The following CSMD3 variants were observed in gnomAD, a reference collection of about 807,000 sequenced individuals.
CSMD3 encodes the protein CUB and sushi domain-containing protein 3.
CSMD3 carries 177 observed loss-of-function variants against 435.2 expected under a neutral mutation model. That is an observed-to-expected ratio of 0.41 (90% CI 0.36 to 0.46). The LOEUF (loss-of-function observed/expected upper bound fraction) is 0.46. CSMD3 is among the 20% of genes least tolerant of loss of function. The pLI is 0.34. For synonymous variants in CSMD3, 1,656 were observed against 1,520.5 expected (o/e 1.09, Z -2.07); for missense variants, 4,265 against 4,504.6 (o/e 0.95, Z 1.52).
chr8:113,404,296 A>C (rs982139086), intron 1 of CSMD3, among the ~76,000 whole-genome samples: 2 of 151,514 alleles, frequency 1.3e-5, no homozygotes, highest in Non-Finnish European at 3.0e-5. Flanking sequence ...GATGTATAAC[A>C]GGAATAAATT....
At chr8:112,700,246 A>G (rs1196624514) in intron 13 of CSMD3, among the ~76,000 whole-genome samples, 1 of 152,160 alleles carries the variant, frequency 6.6e-6, no homozygotes, top group Non-Finnish European at 1.5e-5. Context: ...CATGGCTGTA[A>G]TCCCAGCACT....
intron 13 of CSMD3, among the ~76,000 whole-genome samples, chr8:112,721,449 G>T (rs2076855861): frequency 6.6e-6 from 1 of 151,950 alleles, no homozygotes; most frequent in Non-Finnish European, 1.5e-5. Flanking sequence ...GTGGTGGGAG[G>T]CCTGTAATCC....
At chr8:112,582,166 C>T (rs1046019580) in intron 23 of CSMD3, among the ~76,000 whole-genome samples, 5 of 152,064 alleles carry the variant, frequency 3.3e-5, no homozygotes, top group Admixed American at 6.6e-5. Context: ...AGTTAGTTCA[C>T]GTGAGATCTG....
intron 3 of CSMD3, among the ~76,000 whole-genome samples, chr8:113,174,583 A>G (rs184445430): frequency 1.2e-4 from 18 of 152,008 alleles, no homozygotes; most frequent in Non-Finnish European, 2.5e-4. Context: ...TTCTTATTCT[A>G]TTAGTTGATG....
At chr8:112,715,831 T>C (rs2076713550) in intron 13 of CSMD3, among the ~76,000 whole-genome samples, 1 of 152,148 alleles carries the variant, frequency 6.6e-6, no homozygotes, top group Admixed American at 6.6e-5. Context: ...AACCACATGA[T>C]TATTTCAATA....
intron 20 of CSMD3, among the ~76,000 whole-genome samples, chr8:112,639,619 A>G (rs1458575450): frequency 6.6e-6 from 1 of 152,160 alleles, no homozygotes; most frequent in African/African-American, 2.4e-5. Context: ...TTAACTTCTA[A>G]TAGCACAAAC....
rs957583867 is a variant in CSMD3 at position 112,234,094 on chromosome 8, CACAT to C, written c.10740+267_10740+270del. On this transcript the variant is annotated intron_variant, in intron 68 of 70. Coordinates refer to ENST00000297405, the MANE Select transcript of CSMD3 (RefSeq NM_198123.2). ...AAATGCAGATCAGCACACACACACA[CACAT>C]ACACACACCCACATCCACCCATACC... 2.6e-5 allele frequency among the ~76,000 whole-genome samples: 4 copies of C among 151,766 alleles called. No homozygotes were observed. The South Asian group carries it at 6.3e-4, about 24-fold the overall frequency.
At chr8:112,451,761 C>T (rs1391270869) in intron 32 of CSMD3, among the ~76,000 whole-genome samples, 4 of 152,290 alleles carry the variant, frequency 2.6e-5, no homozygotes, top group African/African-American at 9.6e-5. Context: ...TGGTCTCGAA[C>T]TCCTGACCTC....
At chr8:113,132,488 C>T (rs1297077855) in intron 4 of CSMD3, among the ~76,000 whole-genome samples, 1 of 152,010 alleles carries the variant, frequency 6.6e-6, no homozygotes, top group African/African-American at 2.4e-5. Flanking sequence ...TGGCACTTCT[C>T]CCTTCTCTCT....
intron 1 of CSMD3, among the ~76,000 whole-genome samples, chr8:113,426,385 T>A (rs879643617): frequency 8.6e-5 from 13 of 151,332 alleles, no homozygotes; most frequent in South Asian, 2.1e-4. Context: ...TGTGGGTGTA[T>A]CCATTATGTG....
At chr8:112,882,678 A>T (rs1453913807) in intron 10 of CSMD3, among the ~76,000 whole-genome samples, 1 of 151,976 alleles carries the variant, frequency 6.6e-6, no homozygotes, top group Non-Finnish European at 1.5e-5. Flanking sequence ...AAATTAATTG[A>T]GACTTGTCTC....
At chr8:112,395,934 GGCTTGGAACTACA>G (rs1445636170) in intron 35 of CSMD3, among the ~76,000 whole-genome samples, 2 of 152,004 alleles carry the variant, frequency 1.3e-5, no homozygotes, top group Admixed American at 1.3e-4. Flanking sequence ...AATTAAGAAA[GGCTTGGAACTACA>G]GCTTTGTACA....
chr8:113,211,630 A>C (rs1442233954), intron 3 of CSMD3, among the ~76,000 whole-genome samples: 2 of 152,132 alleles, frequency 1.3e-5, no homozygotes, highest in East Asian at 3.9e-4. Context: ...CGGAGGTTGC[A>C]GTGAGCCGAG....
At position 112,358,001 on chromosome 8, in the gene CSMD3, A is replaced by T. The variant is rs114267183; in HGVS notation, c.6137-5467T>A. Among the ~76,000 whole-genome samples the T allele has an allele frequency of 1.8e-3, 277 of 152,214 alleles. 1 individual carries two copies. Among genetic ancestry groups the T allele is most frequent in the African/African-American group, 6.2e-3 (259 of 41,552 alleles). ...TCATGCACCTACAAAAGCTGCAGAC[A>T]CTCAATGTTAGCAGACAGGAGTGAG... On this transcript the variant is annotated intron_variant, in intron 38 of 70. Coordinates refer to ENST00000297405, the MANE Select transcript of CSMD3 (RefSeq NM_198123.2).
intron 7 of CSMD3, 38 bp from the exon 8 acceptor site, chr8:112,954,799 T>C (rs1587753179): frequency 2.5e-6 from 3 of 1,186,524 alleles, no homozygotes; most frequent in Non-Finnish European, 3.8e-6. Flanking sequence ...TATCAGGAAA[T>C]ACAATTTTAA....
chr8:112,405,802 CT>C (rs1323804690), intron 35 of CSMD3, among the ~76,000 whole-genome samples: 2 of 152,004 alleles, frequency 1.3e-5, no homozygotes, highest in Non-Finnish European at 2.9e-5. Flanking sequence ...GAAAAGTCAG[CT>C]TTTGGATTCT....
intron 3 of CSMD3, among the ~76,000 whole-genome samples, chr8:113,211,638 G>A (rs200308922): frequency 6.6e-6 from 1 of 152,024 alleles, no homozygotes; most frequent in Admixed American, 6.6e-5. Flanking sequence ...GCAGTGAGCC[G>A]AGATCGCACC....
chr8:113,277,486 C>G (rs543772906), intron 3 of CSMD3, among the ~76,000 whole-genome samples: 5 of 151,982 alleles, frequency 3.3e-5, no homozygotes, highest in African/African-American at 1.2e-4. Context: ...AAATACTGTA[C>G]TAGAATTAGT....
intron 6 of CSMD3, among the ~76,000 whole-genome samples, chr8:113,002,089 G>C (rs1222122202): frequency 6.6e-6 from 1 of 152,052 alleles, no homozygotes; most frequent in Non-Finnish European, 1.5e-5. Context: ...TGTAACAGCT[G>C]TTTGAATAGA....
Sources: gnomAD v4.1 joint callset for allele counts (sites outside exome capture counted in the v4.1 genomes callset) on GRCh38, gnomAD v4.1.1 for gene constraint, MANE v1.5 for transcripts, NCBI Gene and HGNC (gene_info 2026-07-23, HGNC 2026-07-21) for gene names.